ARB2A: variants seen among roughly 807,000 people sequenced by gnomAD.
ARB2A encodes the protein cotranscriptional regulator ARB2A.
chr5:94,083,035 C>T, the ARB2A span, among the ~76,000 whole-genome samples: 1 of 152,132 alleles, frequency 6.6e-6, no homozygotes, highest in African/African-American at 2.4e-5. Flanking sequence ...ATCAAAGCTC[C>T]GAATCCTCCT....
the ARB2A span, among the ~76,000 whole-genome samples, chr5:93,883,831 G>C: frequency 9.7e-3 from 1,468 of 150,670 alleles, 26 homozygotes; most frequent in African/African-American, 0.034. Flanking sequence ...ACTAGATTCT[G>C]TACCGTGAGT....
the ARB2A span, among the ~76,000 whole-genome samples, chr5:93,685,887 C>A: frequency 1.2e-4 from 18 of 152,290 alleles, no homozygotes; most frequent in African/African-American, 4.3e-4. Context: ...GCTGCCTGGT[C>A]ATTTATTCTG....
chr5:93,767,686 T>C, the ARB2A span, among the ~76,000 whole-genome samples: 5 of 151,982 alleles, frequency 3.3e-5, no homozygotes, highest in Non-Finnish European at 7.4e-5. Flanking sequence ...AATGGAATAC[T>C]ACTCAGCCAT....
chr5:94,055,371 T>C, the ARB2A span, among the ~76,000 whole-genome samples: 1 of 152,170 alleles, frequency 6.6e-6, no homozygotes, highest in Non-Finnish European at 1.5e-5. Context: ...ATAACAAATC[T>C]TTCTGTATAG....
At chr5:94,013,449 T>C in the ARB2A span, among the ~76,000 whole-genome samples, 2 of 152,132 alleles carry the variant, frequency 1.3e-5, no homozygotes, top group African/African-American at 4.8e-5. Flanking sequence ...GTGCTGGGAT[T>C]ACAGGCGTGA....
At chr5:93,896,199 T>C in the ARB2A span, among the ~76,000 whole-genome samples, 4 of 152,062 alleles carry the variant, frequency 2.6e-5, no homozygotes, top group South Asian at 8.3e-4. Context: ...AAAAAATCCA[T>C]TGTCATAACT....
At chr5:93,716,981 T>A in the ARB2A span, among the ~76,000 whole-genome samples, 3 of 152,172 alleles carry the variant, frequency 2.0e-5, no homozygotes, top group Non-Finnish European at 4.4e-5. Flanking sequence ...GAGGCATATT[T>A]TTTTTTCTTG....
the ARB2A span, among the ~76,000 whole-genome samples, chr5:93,932,955 G>GA: frequency 2.6e-5 from 4 of 151,972 alleles, no homozygotes; most frequent in Non-Finnish European, 4.4e-5. Context: ...AAATTTACAA[G>GA]AAAAAAACAA....
At chr5:93,922,012 G>T in the ARB2A span, among the ~76,000 whole-genome samples, 1 of 151,956 alleles carries the variant, frequency 6.6e-6, no homozygotes, top group Admixed American at 6.6e-5. Flanking sequence ...TCTAGATAGG[G>T]GTTCATAAGG....
At chr5:93,866,909 C>A in the ARB2A span, among the ~76,000 whole-genome samples, 2 of 152,036 alleles carry the variant, frequency 1.3e-5, no homozygotes, top group African/African-American at 4.8e-5. Context: ...TAAAAATGTT[C>A]TTTCTTCCTA....
the ARB2A span, chr5:93,958,902 G>T: frequency 6.2e-7 from 1 of 1,607,870 alleles, no homozygotes; most frequent in Non-Finnish European, 8.5e-7. Flanking sequence ...ATCAGTTTCT[G>T]TGGATTTGTC....
the ARB2A span, among the ~76,000 whole-genome samples, chr5:93,877,356 G>T: frequency 6.6e-6 from 1 of 152,082 alleles, no homozygotes; most frequent in Non-Finnish European, 1.5e-5. Flanking sequence ...GCTCCAGTTT[G>T]ATAACAGAAT....
the ARB2A span, among the ~76,000 whole-genome samples, chr5:93,995,163 C>T: frequency 6.6e-6 from 1 of 152,222 alleles, no homozygotes; most frequent in East Asian, 1.9e-4. Context: ...TACTGCAGTA[C>T]TGTAATAAAT....
chr5:94,058,231 A>G, the ARB2A span, among the ~76,000 whole-genome samples: 2 of 152,182 alleles, frequency 1.3e-5, no homozygotes, highest in Non-Finnish European at 1.5e-5. Context: ...ACATTCTTTA[A>G]AATAAAACCA....
the ARB2A span, chr5:93,805,570 A>T: frequency 1.0e-6 from 1 of 985,148 alleles, no homozygotes; most frequent in Non-Finnish European, 1.2e-6. Context: ...ATCCTTCCTG[A>T]TAATTACACA....
the ARB2A span, among the ~76,000 whole-genome samples, chr5:93,923,950 A>C: frequency 6.6e-6 from 1 of 152,324 alleles, no homozygotes; most frequent in Middle Eastern, 3.4e-3. Context: ...GTGGTTAATA[A>C]AATGGGAAGA....
At chr5:93,857,912 C>T in the ARB2A span, among the ~76,000 whole-genome samples, 4 of 152,298 alleles carry the variant, frequency 2.6e-5, no homozygotes, top group East Asian at 3.9e-4. Flanking sequence ...GGAGCTGTTC[C>T]TATTCGGCCA....
chr5:93,956,168 G>C, the ARB2A span, among the ~76,000 whole-genome samples: 2 of 152,144 alleles, frequency 1.3e-5, no homozygotes, highest in Non-Finnish European at 2.9e-5. Flanking sequence ...ATACACTTTT[G>C]ATAATAAAGT....
the ARB2A span, among the ~76,000 whole-genome samples, chr5:94,020,350 A>AC: frequency 3.8e-3 from 574 of 152,232 alleles, 2 homozygotes; most frequent in Middle Eastern, 0.014. Context: ...CGTGCAGCAA[A>AC]CCACCATGGC....
Sources: allele counts gnomAD v4.1 joint callset (sites outside exome capture counted in the v4.1 genomes callset), GRCh38; gene constraint gnomAD v4.1.1; transcripts MANE v1.5; gene names NCBI Gene and HGNC (gene_info 2026-07-23, HGNC 2026-07-21).